The following PARP8 variants were observed in gnomAD, a reference collection of about 807,000 sequenced individuals.
PARP8 encodes the protein protein mono-ADP-ribosyltransferase PARP8.
In PARP8, 51 loss-of-function variants were observed where a neutral mutation model predicts 124.1. That is an observed-to-expected ratio of 0.41 (90% CI 0.33 to 0.52). The LOEUF (loss-of-function observed/expected upper bound fraction) is 0.52, where lower values mean the gene tolerates loss of function less well. Ranked by LOEUF, PARP8 falls within the 20% of genes least tolerant of loss-of-function variation. The pLI, the probability that PARP8 is intolerant of heterozygous loss-of-function variation, is 0.21. For synonymous variants in PARP8, 391 were observed against 361.5 expected, an observed-to-expected ratio of 1.08 and a Z score of -0.93; for missense variants, 860 against 1,018.9, an observed-to-expected ratio of 0.84 and a Z score of 2.12.
intron 14 of PARP8, among the ~76,000 whole-genome samples, 165 bp from the exon 15 acceptor site, chr5:50,815,267 G>A (rs1744971671): frequency 6.6e-6 from 1 of 151,914 alleles, no homozygotes; most frequent in Non-Finnish European, 1.5e-5. Context: ...TTTACTAATT[G>A]TTACCTAAAT....
In PARP8 at chr5:50,843,796, A is replaced by C. The variant is rs1748404414; in HGVS notation, c.*1728A>C. 1 of 151,778 alleles carries C rather than the reference A, an allele frequency of 6.6e-6. No homozygotes were observed. The highest frequency in any genetic ancestry group is 6.6e-5 in the Admixed American group (1 of 15,190). 9.4% of individuals were successfully genotyped at this position (151,778 alleles called of 1,614,324 possible). On this transcript the variant is annotated 3_prime_UTR_variant, in exon 26 of 26. Transcript: ENST00000281631. ...CAAGATGCTGCAAGTCTCCCAAATCACTTCAACTGTGTTTTTAAAACATGT... is the reference window on the plus strand; with the variant it reads ...CAAGATGCTGCAAGTCTCCCAAATCCCTTCAACTGTGTTTTTAAAACATGT...
chr5:50,666,819 A>G lies in PARP8; in HGVS notation c.-277A>G, dbSNP rs1289192658. On this transcript the variant is annotated 5_prime_UTR_variant, in exon 1 of 26. Transcript: ENST00000281631. Reference sequence around the variant, plus strand: ...GTGAGACTTGGTGTCATCACCATCCATTGTCAGAAGGGGAGGAAATTGGAA... The same window carrying G: ...GTGAGACTTGGTGTCATCACCATCCGTTGTCAGAAGGGGAGGAAATTGGAA... 1.4e-5 allele frequency: 17 copies of G among 1,244,920 alleles called. No homozygotes were observed. The highest frequency in any genetic ancestry group is 1.2e-4 in the East Asian group (3 of 24,868). The allele number at this position is 1,244,920 out of a possible 1,614,324, so 77.1% of individuals were successfully genotyped here. A position where few individuals can be genotyped will look rare whatever the true frequency, so the allele number is the denominator to read the frequency against.
chr5:50,692,610 G>A (rs1373602294), intron 2 of PARP8, among the ~76,000 whole-genome samples: 1 of 151,958 alleles, frequency 6.6e-6, no homozygotes, highest in Non-Finnish European at 1.5e-5. Flanking sequence ...ATGCTCTTGG[G>A]ACCTCATTTA....
intron 7 of PARP8, among the ~76,000 whole-genome samples, chr5:50,763,988 G>A (rs986068278): frequency 2.0e-4 from 30 of 152,060 alleles, no homozygotes; most frequent in Non-Finnish European, 1.2e-4. Flanking sequence ...CCCGCTTCAC[G>A]TTGGGCATTT....
intron 2 of PARP8, among the ~76,000 whole-genome samples, chr5:50,711,282 T>A (rs1326939002): frequency 6.6e-6 from 1 of 152,172 alleles, no homozygotes; most frequent in Non-Finnish European, 1.5e-5. Context: ...ACACCAGTGT[T>A]GTTCAAGAAA....
chr5:50,771,964 C>A (rs1392783509), intron 7 of PARP8, among the ~76,000 whole-genome samples: 2 of 152,194 alleles, frequency 1.3e-5, no homozygotes, highest in South Asian at 4.1e-4. Context: ...TCCTACTGAA[C>A]TGTGATTTTG....
chr5:50,823,501 T>C (rs1246820664), intron 17 of PARP8, among the ~76,000 whole-genome samples: 6 of 152,264 alleles, frequency 3.9e-5, no homozygotes, highest in Non-Finnish European at 5.9e-5. Context: ...AGTACCTTTC[T>C]GTATTATCTG....
At chr5:50,709,801 T>G (rs1351584585) in intron 2 of PARP8, among the ~76,000 whole-genome samples, 6 of 149,802 alleles carry the variant, frequency 4.0e-5, no homozygotes, top group Non-Finnish European at 8.9e-5. Context: ...GAGAGATAAA[T>G]AGACAAAGAG....
intron 9 of PARP8, among the ~76,000 whole-genome samples, chr5:50,778,890 T>C (rs1740340735): frequency 6.6e-6 from 1 of 152,098 alleles, no homozygotes; most frequent in Non-Finnish European, 1.5e-5. Flanking sequence ...GACACAAACA[T>C]TTAAAAAACC....
At chr5:50,685,569 T>C (rs1160146160) in intron 2 of PARP8, among the ~76,000 whole-genome samples, 1 of 152,180 alleles carries the variant, frequency 6.6e-6, no homozygotes, top group Non-Finnish European at 1.5e-5. Flanking sequence ...GAGGAAGATA[T>C]GATATAGTAT....
intron 23 of PARP8, among the ~76,000 whole-genome samples, chr5:50,833,639 T>C (rs1444509380): frequency 6.6e-6 from 1 of 152,124 alleles, no homozygotes; most frequent in Non-Finnish European, 1.5e-5. Context: ...ATTTTGATGT[T>C]TGAAAAGATC....
At chr5:50,674,074 G>T (rs1009466131) in intron 2 of PARP8, among the ~76,000 whole-genome samples, 5 of 152,130 alleles carry the variant, frequency 3.3e-5, no homozygotes, top group Non-Finnish European at 7.3e-5. Flanking sequence ...CCCCAGGAAA[G>T]ACTAGTAAGA....
At chr5:50,741,173 T>G (rs1461839436) in intron 2 of PARP8, among the ~76,000 whole-genome samples, 1 of 152,168 alleles carries the variant, frequency 6.6e-6, no homozygotes, top group Non-Finnish European at 1.5e-5. Flanking sequence ...AGTTACAAAG[T>G]GTTCAGTAAA....
At chr5:50,809,424 A>G (rs1159990608) in intron 14 of PARP8, among the ~76,000 whole-genome samples, 1 of 152,086 alleles carries the variant, frequency 6.6e-6, no homozygotes, top group Non-Finnish European at 1.5e-5. Flanking sequence ...TAAACAGTGG[A>G]TATACAAATC....
In PARP8 at chr5:50,666,969, T is replaced by A; in HGVS notation, c.-127T>A. 3 of 1,308,650 alleles carry A rather than the reference T, an allele frequency of 2.3e-6. No homozygotes were observed. The highest frequency in any genetic ancestry group is 2.0e-6 in the Non-Finnish European group (2 of 1,004,656). The allele number at this position is 1,308,650 out of a possible 1,614,324, so 81.1% of individuals were successfully genotyped here. ...CACCCAGGATCACTTCCGAAACCAC[T>A]TCGCCTTCAGCCCCTGCCTCGGCCA... On this transcript the variant is annotated 5_prime_UTR_variant, in exon 1 of 26. Transcript: ENST00000281631.
chr5:50,759,797 T>C, intron 4 of PARP8, 65 bp downstream of exon 4: 7 of 1,469,238 alleles, frequency 4.8e-6, no homozygotes, highest in Non-Finnish European at 6.3e-6. Context: ...TTTTTGTTTG[T>C]TTGTTTGTTT....
intron 2 of PARP8, among the ~76,000 whole-genome samples, chr5:50,686,978 A>G (rs1256572474): frequency 6.6e-6 from 1 of 152,050 alleles, no homozygotes; most frequent in Non-Finnish European, 1.5e-5. Context: ...CATTTTCCCC[A>G]TTGTCTTGGG....
chr5:50,832,672 A>G, intron 22 of PARP8, 109 bp from the exon 23 acceptor site: 1 of 1,056,818 alleles, frequency 9.5e-7, no homozygotes, highest in Non-Finnish European at 1.4e-6. Context: ...CTCTAGCCTA[A>G]TGTGATCAAA....
rs1248262911 is a variant in PARP8 at position 50,695,956 on chromosome 5, G to A, written c.146+27831G>A. On this transcript the variant is annotated intron_variant, in intron 2 of 25. Transcript: ENST00000281631. ...TTTTTTAACAAAGACATGATTTTGA[G>A]GTGAAAGAAATATATGCTCTTTATT... 2.0e-5 allele frequency among the ~76,000 whole-genome samples: 3 copies of A among 152,124 alleles called. No homozygotes were observed. In the East Asian group the frequency reaches 5.8e-4, roughly 29 times the overall value.
Sources: gnomAD v4.1 joint callset for allele counts (sites outside exome capture counted in the v4.1 genomes callset) on GRCh38, gnomAD v4.1.1 for gene constraint, MANE v1.5 for transcripts, NCBI Gene and HGNC (gene_info 2026-07-23, HGNC 2026-07-21) for gene names.